MDGA2: variants seen among roughly 807,000 people sequenced by gnomAD.
The protein encoded by MDGA2 is MAM domain containing glycosylphosphatidylinositol anchor 2.
In MDGA2, 40 loss-of-function variants were observed where a neutral mutation model predicts 117.8. The observed-to-expected ratio is 0.34, with a 90% CI of 0.26 to 0.44. The LOEUF (loss-of-function observed/expected upper bound fraction) is 0.44. Among genes scored for constraint, MDGA2 ranks in the 20% least tolerant of loss-of-function variants. MDGA2 has a pLI of 1.00. For synonymous variants in MDGA2, 452 were observed against 439.0 expected (o/e 1.03, Z -0.37); for missense variants, 1,123 against 1,250.6 (o/e 0.90, Z 1.54).
intron 1 of MDGA2, among the ~76,000 whole-genome samples, chr14:47,405,666 A>G (rs1382695154): frequency 2.0e-5 from 3 of 152,214 alleles, no homozygotes; most frequent in Non-Finnish European, 4.4e-5. Flanking sequence ...TCACTTTGAC[A>G]GTTACAGTTT....
At chr14:47,110,312 A>G (rs548831368) in intron 5 of MDGA2, among the ~76,000 whole-genome samples, 7 of 152,292 alleles carry the variant, frequency 4.6e-5, no homozygotes, top group African/African-American at 1.7e-4. Flanking sequence ...TTTTTTCACA[A>G]GAGGGCTAGT....
intron 5 of MDGA2, among the ~76,000 whole-genome samples, chr14:47,116,227 C>T (rs765040627): frequency 2.2e-4 from 34 of 151,988 alleles, no homozygotes; most frequent in Non-Finnish European, 4.4e-4. Flanking sequence ...GGCTTGTATA[C>T]TAAAAACTAC....
chr14:47,325,668 G>C (rs1247605713), intron 1 of MDGA2, among the ~76,000 whole-genome samples: 1 of 152,166 alleles, frequency 6.6e-6, no homozygotes, highest in Non-Finnish European at 1.5e-5. Flanking sequence ...AAGTTTACTA[G>C]GCATGTGCAG....
At chr14:46,946,214 T>C (rs773942559) in intron 9 of MDGA2, among the ~76,000 whole-genome samples, 3 of 152,100 alleles carry the variant, frequency 2.0e-5, no homozygotes, top group Non-Finnish European at 4.4e-5. Context: ...TATTCATTAG[T>C]AGTGCTCTAT....
chr14:47,580,529 T>C (rs1896210487), intron 1 of MDGA2, among the ~76,000 whole-genome samples: 1 of 151,970 alleles, frequency 6.6e-6, no homozygotes, highest in Non-Finnish European at 1.5e-5. Flanking sequence ...CAAGATTCCA[T>C]TCGAGCCACT....
chr14:47,651,213 GGTGTGT>G (rs56853118), intron 1 of MDGA2, among the ~76,000 whole-genome samples: 37,152 of 146,232 alleles, frequency 0.25, 4,897 homozygotes, highest in Middle Eastern at 0.34. Context: ...GTGTGCATGT[GGTGTGT>G]GTGTGTGTGT....
intron 1 of MDGA2, among the ~76,000 whole-genome samples, chr14:47,457,312 G>A (rs1341060296): frequency 6.6e-6 from 1 of 152,128 alleles, no homozygotes; most frequent in Admixed American, 6.6e-5. Context: ...AGATTTGTTA[G>A]ACAGGTATAC....
At chr14:47,009,962 AC>A (rs977039366) in intron 8 of MDGA2, among the ~76,000 whole-genome samples, 5 of 151,840 alleles carry the variant, frequency 3.3e-5, no homozygotes, top group South Asian at 2.1e-4. Flanking sequence ...TCTGTCCCTT[AC>A]CCCCCTTTCC....
At chr14:47,652,488 A>G (rs1897662956) in intron 1 of MDGA2, among the ~76,000 whole-genome samples, 1 of 152,204 alleles carries the variant, frequency 6.6e-6, no homozygotes, top group Non-Finnish European at 1.5e-5. Flanking sequence ...AAAACTACAA[A>G]GTCAGTTTCC....
intron 1 of MDGA2, among the ~76,000 whole-genome samples, chr14:47,384,789 T>G (rs1006286593): frequency 2.0e-5 from 3 of 152,094 alleles, no homozygotes; most frequent in African/African-American, 4.8e-5. Context: ...TGAAAGTCAC[T>G]GAACAAATGA....
At position 47,272,184 on chromosome 14, in the gene MDGA2, G is replaced by A. The variant is rs115709046; in HGVS notation, c.420+29227C>T. On this transcript the variant is annotated intron_variant, in intron 2 of 16. Coordinates refer to ENST00000399232, the MANE Select transcript of MDGA2 (RefSeq NM_001113498.3). Reference sequence around the variant, plus strand: ...TAATGAAAGAGCAATTGTTAATTTCGTTGAGACCTAACTACCTGCCCAGGC... The same window carrying A: ...TAATGAAAGAGCAATTGTTAATTTCATTGAGACCTAACTACCTGCCCAGGC... Among the ~76,000 whole-genome samples the A allele has an allele frequency of 9.1e-4, 138 of 151,966 alleles. 1 individual carries two copies. The highest frequency in any genetic ancestry group is 3.3e-3 in the African/African-American group (136 of 41,428).
intron 8 of MDGA2, among the ~76,000 whole-genome samples, chr14:47,013,258 C>T (rs147365459): frequency 6.6e-6 from 1 of 152,250 alleles, no homozygotes; most frequent in Non-Finnish European, 1.5e-5. Context: ...TATTGTAAAT[C>T]TTTTGTTGTC....
chr14:47,567,588 A>G (rs568188896), intron 1 of MDGA2, among the ~76,000 whole-genome samples: 9 of 152,304 alleles, frequency 5.9e-5, no homozygotes, highest in Non-Finnish European at 1.2e-4. Context: ...TATGAGATCC[A>G]GTGTCTACAG....
At chr14:47,207,456 G>T (rs1363329814) in intron 3 of MDGA2, among the ~76,000 whole-genome samples, 1 of 151,890 alleles carries the variant, frequency 6.6e-6, no homozygotes, top group Non-Finnish European at 1.5e-5. Context: ...TGAGGGAGAG[G>T]TCTGCTGGGA....
At chr14:47,371,552 T>C (rs1050584600) in intron 1 of MDGA2, among the ~76,000 whole-genome samples, 1 of 151,784 alleles carries the variant, frequency 6.6e-6, no homozygotes, top group East Asian at 1.9e-4. Context: ...AGTTAAATAG[T>C]TTGAGGATGG....
chr14:47,108,696 C>T (rs1880872386), intron 5 of MDGA2, among the ~76,000 whole-genome samples: 1 of 152,226 alleles, frequency 6.6e-6, no homozygotes, highest in East Asian at 1.9e-4. Flanking sequence ...CGCCTGCACC[C>T]AGGTGAAATA....
Position 47,001,566 on chromosome 14 carries a change from G to A in MDGA2, c.1819+33445C>T, listed in dbSNP as rs1887530648. 1.3e-5 allele frequency among the ~76,000 whole-genome samples: 2 copies of A among 151,916 alleles called. 1 individual carries two copies. Among genetic ancestry groups the A allele is most frequent in the South Asian group, 4.2e-4 (2 of 4,804 alleles). The stretch of plus-strand genomic sequence containing the variant: ...AGAAAGAGACTTTTCAAATAAGAAA[G>A]GAACTAATAAATGGAGAAATCAAAC... On this transcript the variant is annotated intron_variant, in intron 8 of 16. Coordinates refer to ENST00000399232, the MANE Select transcript of MDGA2 (RefSeq NM_001113498.3).
intron 2 of MDGA2, among the ~76,000 whole-genome samples, chr14:47,247,104 A>T (rs977684882): frequency 2.6e-5 from 4 of 151,798 alleles, no homozygotes; most frequent in African/African-American, 9.7e-5. Context: ...TATCTTAACC[A>T]GTGTCTTTTG....
intron 1 of MDGA2, among the ~76,000 whole-genome samples, chr14:47,604,834 A>G (rs993115805): frequency 2.6e-5 from 4 of 152,152 alleles, no homozygotes; most frequent in Non-Finnish European, 4.4e-5. Context: ...GCTCTCAGGA[A>G]GCCTGCTCTG....
Sources: gnomAD v4.1 joint callset for allele counts (sites outside exome capture counted in the v4.1 genomes callset) on GRCh38, gnomAD v4.1.1 for gene constraint, MANE v1.5 for transcripts, NCBI Gene and HGNC (gene_info 2026-07-23, HGNC 2026-07-21) for gene names.